Variants in GRIP1 observed in about 807,000 individuals in gnomAD.
The protein encoded by GRIP1 is glutamate receptor-interacting protein 1.
In GRIP1, 45 loss-of-function variants were observed where a neutral mutation model predicts 129.9. That is an observed-to-expected ratio of 0.35 (90% CI 0.27 to 0.44). The LOEUF is 0.44. GRIP1 is among the 20% of genes least tolerant of loss of function. The probability of loss-of-function intolerance (pLI) is 1.00; values close to 1 mark genes in which losing one functional copy is unlikely to be tolerated. For synonymous variants in GRIP1, 530 were observed against 520.8 expected, an observed-to-expected ratio of 1.02 and a Z score of -0.24; for missense variants, 1,196 against 1,396.8, an observed-to-expected ratio of 0.86 and a Z score of 2.29.
At chr12:66,476,860 T>C (rs1592393248) in intron 7 of GRIP1, among the ~76,000 whole-genome samples, 1 of 152,198 alleles carries the variant, frequency 6.6e-6, no homozygotes, top group Non-Finnish European at 1.5e-5. Flanking sequence ...ACAAATTAGG[T>C]ATTGATGGGA....
intron 1 of GRIP1, among the ~76,000 whole-genome samples, chr12:66,893,227 G>A (rs558125411): frequency 3.3e-5 from 5 of 152,104 alleles, no homozygotes; most frequent in African/African-American, 1.2e-4. Context: ...CATGCAAGCT[G>A]TTAAATGTAT....
intron 1 of GRIP1, among the ~76,000 whole-genome samples, chr12:66,771,705 C>A (rs911697538): frequency 6.6e-6 from 1 of 152,180 alleles, no homozygotes; most frequent in Middle Eastern, 3.2e-3. Context: ...ACCCCAAGGC[C>A]AGAGAGTCTC....
chr12:67,028,916 T>C (rs1030352047), intron 1 of GRIP1, among the ~76,000 whole-genome samples: 22 of 152,290 alleles, frequency 1.4e-4, no homozygotes, highest in African/African-American at 5.3e-4. Flanking sequence ...ATCTAAGCAC[T>C]AGAGACTTAG....
intron 1 of GRIP1, among the ~76,000 whole-genome samples, chr12:66,796,676 C>T (rs1020382601): frequency 5.9e-5 from 9 of 152,120 alleles, no homozygotes; most frequent in Admixed American, 1.3e-4. Flanking sequence ...TTCTGTACCA[C>T]GGTATCTCCA....
intron 1 of GRIP1, among the ~76,000 whole-genome samples, chr12:66,882,250 G>A (rs1028910537): frequency 2.7e-5 from 4 of 150,388 alleles, no homozygotes; most frequent in Admixed American, 6.6e-5. Context: ...CTATCAACAC[G>A]ATGTTACAGC....
Position 66,836,486 on chromosome 12 carries a change from AG to A in GRIP1, c.58+232563del, listed in dbSNP as rs1416027041. The stretch of plus-strand genomic sequence containing the variant: ...TAAAATAGGCCATAGCTCTTGGAGT[AG>A]AAAGGTCACTAAAAGAATTCCCCCA... On this transcript the variant is annotated intron_variant, in intron 1 of 1. Coordinates refer to the GRIP1 transcript ENST00000643019. Among the ~76,000 whole-genome samples the A allele has an allele frequency of 7.2e-5, 11 of 152,344 alleles. No individual in the cohort carries two copies. In the East Asian group the frequency reaches 2.1e-3, roughly 29 times the overall value.
At chr12:66,503,060 T>C (rs1259454574) in intron 7 of GRIP1, among the ~76,000 whole-genome samples, 1 of 152,072 alleles carries the variant, frequency 6.6e-6, no homozygotes, top group Non-Finnish European at 1.5e-5. Context: ...AAAATGATAA[T>C]TCAGCAGCCA....
At chr12:66,393,169 ATTTTTT>A (rs60982107) in intron 17 of GRIP1, among the ~76,000 whole-genome samples, 62 of 78,878 alleles carry the variant, frequency 7.9e-4, no homozygotes, top group Non-Finnish European at 9.6e-4. Flanking sequence ...CTTTCTACAG[ATTTTTT>A]TTTTTTTTTT....
intron 1 of GRIP1, among the ~76,000 whole-genome samples, chr12:66,856,401 A>G (rs1279303949): frequency 2.0e-5 from 3 of 152,226 alleles, no homozygotes; most frequent in Non-Finnish European, 2.9e-5. Flanking sequence ...GAGCTTCTGC[A>G]CAGCAAAAGA....
At chr12:66,583,408 G>A (rs1445954065) in intron 2 of GRIP1, among the ~76,000 whole-genome samples, 1 of 146,012 alleles carries the variant, frequency 6.8e-6, no homozygotes, top group Admixed American at 6.9e-5. Flanking sequence ...TTGACAAATG[G>A]GATCTAATTA....
chr12:66,613,931 T>A (rs577266286), intron 1 of GRIP1, among the ~76,000 whole-genome samples: 1 of 152,330 alleles, frequency 6.6e-6, no homozygotes, highest in South Asian at 2.1e-4. Flanking sequence ...TGAAGACACA[T>A]CAGCATTAAT....
At chr12:66,660,167 T>C (rs552731279) in intron 1 of GRIP1, among the ~76,000 whole-genome samples, 17 of 152,348 alleles carry the variant, frequency 1.1e-4, no homozygotes, top group Non-Finnish European at 2.1e-4. Flanking sequence ...GAATCAATAT[T>C]GTGTTCACGT....
At chr12:66,920,332 C>T (rs553005126) in intron 1 of GRIP1, among the ~76,000 whole-genome samples, 1 of 152,256 alleles carries the variant, frequency 6.6e-6, no homozygotes, top group Admixed American at 6.5e-5. Context: ...TGTCTCCTGG[C>T]CCACTGGTAT....
chr12:66,667,950 T>C (rs111726690), intron 1 of GRIP1, among the ~76,000 whole-genome samples: 10 of 152,302 alleles, frequency 6.6e-5, no homozygotes, highest in African/African-American at 9.6e-5. Flanking sequence ...ACTTTTCTTG[T>C]ATTTGCTCTG....
chr12:66,422,084 T>C (rs910369781), intron 14 of GRIP1, among the ~76,000 whole-genome samples: 1 of 152,172 alleles, frequency 6.6e-6, no homozygotes, highest in Non-Finnish European at 1.5e-5. Flanking sequence ...GATTTTATTA[T>C]AAACAGTCTG....
chr12:66,679,915 A>G (rs185884068), upstream of GRIP1, among the ~76,000 whole-genome samples: 2 of 152,276 alleles, frequency 1.3e-5, no homozygotes, highest in African/African-American at 2.4e-5. Context: ...CAAACCCTTC[A>G]CAATCCATTC....
intron 16 of GRIP1, among the ~76,000 whole-genome samples, chr12:66,403,171 T>C (rs1212114162): frequency 6.6e-6 from 1 of 152,214 alleles, no homozygotes; most frequent in African/African-American, 2.4e-5. Context: ...GTACAAGTGA[T>C]TTTTCATTAC....
At position 66,468,222 on chromosome 12, in the gene GRIP1, T is replaced by A. The variant is rs192213315; in HGVS notation, c.725-2800A>T. 5.3e-5 allele frequency among the ~76,000 whole-genome samples: 8 copies of A among 152,234 alleles called. No homozygotes were observed. The East Asian group carries it at 1.5e-3, about 29-fold the overall frequency. The stretch of plus-strand genomic sequence containing the variant: ...CTTAAAAAGAATGGCTGTGCCCACC[T>A]CTCCCTCATTTCCCCCTTGCTGGTG... On this transcript the variant is annotated intron_variant, in intron 7 of 24. Coordinates refer to ENST00000359742, the MANE Select transcript of GRIP1 (RefSeq NM_001366722.1).
intron 2 of GRIP1, among the ~76,000 whole-genome samples, chr12:66,549,749 T>C (rs947522284): frequency 1.4e-4 from 22 of 152,148 alleles, no homozygotes; most frequent in Non-Finnish European, 2.4e-4. Flanking sequence ...AGTCTGAACA[T>C]AAATTTGATC....
Sources: gnomAD v4.1 joint callset for allele counts (sites outside exome capture counted in the v4.1 genomes callset) on GRCh38, gnomAD v4.1.1 for gene constraint, MANE v1.5 for transcripts, NCBI Gene and HGNC (gene_info 2026-07-23, HGNC 2026-07-21) for gene names.